ADH1C: variants seen among roughly 807,000 people sequenced by gnomAD.
ADH1C encodes alcohol dehydrogenase 1C (class I), gamma polypeptide, also known as alcohol dehydrogenase 1C.
ADH1C carries 26 observed loss-of-function variants against 35.0 expected under a neutral mutation model. The observed-to-expected ratio is 0.74, with a 90% CI of 0.54 to 1.03. The LOEUF is 1.03. Among genes scored for constraint, ADH1C ranks in the 50% least tolerant of loss-of-function variants. The probability of loss-of-function intolerance (pLI) is 0.00; values close to 1 mark genes in which losing one functional copy is unlikely to be tolerated. For synonymous variants in ADH1C, 170 were observed against 169.3 expected (o/e 1.00, Z -0.03); for missense variants, 413 against 465.4 (o/e 0.89, Z 1.04).
At chr4:99,350,930 G>C (rs1734662227) in intron 1 of ADH1C, 2 of 152,248 alleles carry the variant, frequency 1.3e-5, no homozygotes, top group South Asian at 4.1e-4. Flanking sequence ...CTGAAGTCAA[G>C]AGTTGGAGAC....
rs777571987 is a variant in ADH1C, at chr4:99,339,688, T to C, written c.992A>G (p.Lys331Arg). 1.6e-5 allele frequency: 25 copies of C among 1,612,238 alleles called. No individual in the cohort carries two copies. In the South Asian group the frequency reaches 2.2e-4, roughly 14 times the overall value. Residue 331 changes from lysine to arginine, a missense_variant, in exon 8 of 9, where the codon AAA (lysine) becomes AGA (arginine). Transcript: ENST00000515683. ...GGFKSKESVPKLVADFMAKKF... is the reference protein window; with the variant it reads ...GGFKSKESVPRLVADFMAKKF... ...CTTAGCCATAAAGTCAGCCACAAGT[T>C]TGGGGACAGATTCTTTACTCTTAAA...
chr4:99,352,215 T>C (rs1302262775), intron 1 of ADH1C, among the ~76,000 whole-genome samples: 1 of 152,112 alleles, frequency 6.6e-6, no homozygotes, highest in Non-Finnish European at 1.5e-5. Context: ...TTGTCAGACT[T>C]CTTGTGTTCA....
intron 1 of ADH1C, among the ~76,000 whole-genome samples, chr4:99,350,795 A>C (rs1411004287): frequency 6.6e-6 from 1 of 152,188 alleles, no homozygotes; most frequent in Non-Finnish European, 1.5e-5. Flanking sequence ...GGATCAACTG[A>C]CTCAGTGATT....
At chr4:99,336,850 T>G (rs1612735) in intron 8 of ADH1C, 74 bp from the exon 9 acceptor site, 1 of 1,593,950 alleles carries the variant, frequency 6.3e-7, no homozygotes, top group Non-Finnish European at 8.6e-7. Context: ...GTCCAAGGAG[T>G]ATTTGAGGTG....
At chr4:99,344,465 A>C (rs1662056) in intron 5 of ADH1C, among the ~76,000 whole-genome samples, 30,687 of 151,978 alleles carry the variant, frequency 0.2, 4,010 homozygotes, top group Non-Finnish European at 0.29. Context: ...CACAGACTAG[A>C]TGGTCCTCAA....
Position 99,344,716 on chromosome 4 carries a change from T to C in ADH1C, c.567+146A>G. Reference sequence around the variant, plus strand: ...AATTGGTGAAATTTCTAGCCTGTGCTCTCAGTTCTTTCTGGGTCATTTTTC... The same window carrying C: ...AATTGGTGAAATTTCTAGCCTGTGCCCTCAGTTCTTTCTGGGTCATTTTTC... On this transcript the variant is annotated intron_variant, in intron 5 of 8. Transcript: ENST00000515683. 4 of 999,508 alleles carry C rather than the reference T, an allele frequency of 4.0e-6. No homozygotes were observed. The South Asian group carries it at 6.8e-5, about 17-fold the overall frequency. 61.9% of individuals were successfully genotyped at this position (999,508 alleles called of 1,614,324 possible).
intron 3 of ADH1C, 47 bp from the exon 4 acceptor site, chr4:99,345,313 T>G (rs1315574334): frequency 6.5e-7 from 1 of 1,545,176 alleles, no homozygotes; most frequent in East Asian, 2.3e-5. Context: ...ATGCAGGAAT[T>G]AATAGAGCAA....
Position 99,340,837 on chromosome 4 carries a change from C to T in ADH1C, c.829-127G>A, listed in dbSNP as rs931723507. Reference sequence around the variant, plus strand: ...TAGAGGGAAGAGATCATGTCTTTTGCTCCTTCATTCCCCCTTTCTTTGCAT... The same window carrying T: ...TAGAGGGAAGAGATCATGTCTTTTGTTCCTTCATTCCCCCTTTCTTTGCAT... On this transcript the variant is annotated intron_variant, in intron 6 of 8. Coordinates refer to ENST00000515683, the MANE Select transcript of ADH1C (RefSeq NM_000669.5). The T allele has an allele frequency of 2.3e-5, 32 of 1,382,956 alleles. No homozygotes were observed. The African/African-American group carries it at 3.7e-4, about 16-fold the overall frequency. 85.7% of individuals were successfully genotyped at this position (1,382,956 alleles called of 1,614,324 possible). A position where few individuals can be genotyped will look rare whatever the true frequency, so the allele number is the denominator to read the frequency against.
rs1560538071 is a variant in ADH1C, at chr4:99,345,205, TG to T, written c.320del (p.Pro107GlnfsTer7). ...QCGKCRICKN[P>X]ESNYCLKNDL... is the part of the protein sequence containing the mutation. The stretch of plus-strand genomic sequence containing the variant: ...CATTTTTCAAGCAGTAGTTGCTTTC[TG>T]GGTTTTTACAAATTCTGCATTTTCC... On this transcript the variant is annotated frameshift_variant, in exon 4 of 9. Transcript: ENST00000515683. LOFTEE classifies it high-confidence loss of function. 6.2e-7 allele frequency: 1 copy of T among 1,613,968 alleles called. No homozygotes were observed. Among genetic ancestry groups the T allele is most frequent in the African/African-American group, 1.3e-5 (1 of 74,950 alleles).
intron 6 of ADH1C, among the ~76,000 whole-genome samples, chr4:99,341,086 C>A (rs975733251): frequency 1.3e-5 from 2 of 152,028 alleles, no homozygotes; most frequent in Non-Finnish European, 2.9e-5. Context: ...TATTTTGAAC[C>A]CAATACTTTG....
chr4:99,343,371 G>A (rs1056936458), intron 5 of ADH1C, among the ~76,000 whole-genome samples: 3 of 152,198 alleles, frequency 2.0e-5, no homozygotes, highest in African/African-American at 7.2e-5. Flanking sequence ...ACTCCAATGG[G>A]TCAGGCTGGG....
At chr4:99,352,556 A>G in intron 1 of ADH1C, 102 bp downstream of exon 1, 4 of 977,656 alleles carry the variant, frequency 4.1e-6, no homozygotes, top group Non-Finnish European at 6.1e-6. Context: ...TCTAATTTAG[A>G]TATGAATTTT....
chr4:99,345,539 G>A (rs1789916), intron 3 of ADH1C, among the ~76,000 whole-genome samples: 47,495 of 152,064 alleles, frequency 0.31, 8,853 homozygotes, highest in Non-Finnish European at 0.41. Context: ...AAAATTTTAC[G>A]CAGTGCACTA....
At chr4:99,341,634 T>C (rs947735441) in intron 6 of ADH1C, among the ~76,000 whole-genome samples, 4 of 152,200 alleles carry the variant, frequency 2.6e-5, no homozygotes, top group African/African-American at 9.7e-5. Flanking sequence ...CTGCTCCCTG[T>C]TACCCACACT....
intron 8 of ADH1C, among the ~76,000 whole-genome samples, chr4:99,338,156 A>C (rs1734319589): frequency 6.6e-6 from 1 of 151,478 alleles, no homozygotes; most frequent in South Asian, 2.1e-4. Flanking sequence ...CCTTACTCTT[A>C]CCAATATTGA....
intron 1 of ADH1C, among the ~76,000 whole-genome samples, chr4:99,348,305 T>G (rs1205592357): frequency 7.6e-6 from 1 of 131,544 alleles, no homozygotes; most frequent in Non-Finnish European, 1.5e-5. Context: ...GTCCCCAGAG[T>G]GTGATATTCC....
At chr4:99,339,132 C>A (rs1560535699) in intron 8 of ADH1C, among the ~76,000 whole-genome samples, 1 of 151,986 alleles carries the variant, frequency 6.6e-6, no homozygotes, top group Non-Finnish European at 1.5e-5. Context: ...GTAGTTCCAC[C>A]TACTCCCATA....
At position 99,339,720 on chromosome 4, in the gene ADH1C, AAAG is replaced by A; in HGVS notation, c.965-8_965-6del. On this transcript the variant is annotated splice_region_variant and splice_polypyrimidine_tract_variant and intron_variant, in intron 7 of 8. Coordinates refer to ENST00000515683, the MANE Select transcript of ADH1C (RefSeq NM_000669.5). Reference sequence around the variant, plus strand: ...CAGATTCTTTACTCTTAAAGCCTGAAAAGAAGAAAATATCATTGATAGATTCAA... The same window carrying A: ...CAGATTCTTTACTCTTAAAGCCTGAAAAGAAAATATCATTGATAGATTCAA... 3 of 1,602,348 alleles carry A rather than the reference AAAG, an allele frequency of 1.9e-6. No homozygotes were observed. The highest frequency in any genetic ancestry group is 1.3e-5 in the African/African-American group (1 of 74,144).
intron 2 of ADH1C, 128 bp downstream of exon 2, chr4:99,347,617 C>A: frequency 9.3e-7 from 1 of 1,080,626 alleles, no homozygotes; most frequent in Middle Eastern, 3.2e-4. Flanking sequence ...TCCTTGACAA[C>A]AAATGTAATT....
Sources: gnomAD v4.1 joint callset for allele counts (sites outside exome capture counted in the v4.1 genomes callset) on GRCh38, gnomAD v4.1.1 for gene constraint, MANE v1.5 for transcripts, NCBI Gene and HGNC (gene_info 2026-07-23, HGNC 2026-07-21) for gene names.